Variants in CYP4Z1 observed in about 807,000 individuals in gnomAD.
CYP4Z1 encodes the protein cytochrome P450 family 4 subfamily Z member 1, also known as cytochrome P450 4Z1.
CYP4Z1 carries 41 observed loss-of-function variants against 54.2 expected under a neutral mutation model. That is an observed-to-expected ratio of 0.76 (90% CI 0.59 to 0.98). CYP4Z1 has a LOEUF of 0.98. CYP4Z1 is among the 50% of genes least tolerant of loss of function. CYP4Z1 has a pLI of 0.00. For synonymous variants in CYP4Z1, 163 were observed against 206.2 expected (o/e 0.79, Z 1.79); for missense variants, 513 against 599.0 (o/e 0.86, Z 1.50).
At chr1:47,083,831 C>T (rs921959504) in intron 4 of CYP4Z1, among the ~76,000 whole-genome samples, 19 of 152,212 alleles carry the variant, frequency 1.2e-4, no homozygotes, top group African/African-American at 4.6e-4. Flanking sequence ...GACACCACCC[C>T]CATTATCACC....
At position 47,118,159 on chromosome 1, in the gene CYP4Z1, C is replaced by A; in HGVS notation, c.*225C>A. On this transcript the variant is annotated 3_prime_UTR_variant, in exon 12 of 12. Coordinates refer to ENST00000334194, the MANE Select transcript of CYP4Z1 (RefSeq NM_178134.3). ...AAAAAACTCAAGCTGACTTCCACTG[C>A]GAAGGGAAATTATTGGTTTGTGTAA... is the stretch of plus-strand genomic sequence containing the variant. 1 of 427,236 alleles carries A rather than the reference C, an allele frequency of 2.3e-6. No individual in the cohort carries two copies. Among genetic ancestry groups the A allele is most frequent in the Non-Finnish European group, 4.1e-6 (1 of 243,246 alleles). 26.5% of individuals were successfully genotyped at this position (427,236 alleles called of 1,614,324 possible).
At chr1:47,112,467 T>C (rs1272235203) in intron 9 of CYP4Z1, among the ~76,000 whole-genome samples, 1 of 151,968 alleles carries the variant, frequency 6.6e-6, no homozygotes, top group Admixed American at 6.6e-5. Flanking sequence ...GTCCAGAGCA[T>C]AGAAAAATAA....
Position 47,116,663 on chromosome 1 carries a change from T to C in CYP4Z1, c.1280T>C (p.Leu427Ser). 6.2e-7 allele frequency: 1 copy of C among 1,601,432 alleles called. No homozygotes were observed. The highest frequency in any genetic ancestry group is 8.6e-7 in the Non-Finnish European group (1 of 1,169,018). The change falls in exon 11 of 12, where the codon TTG (leucine) becomes TCG (serine). Residue 427 changes from leucine (L) to serine (S), a missense_variant. Transcript: ENST00000334194. Reference protein sequence around the residue: ...FWEDPQVFNPLRFSRENSEKI... With the variant: ...FWEDPQVFNPSRFSRENSEKI... Reference sequence around the variant, plus strand: ...CTCTCATTACAGGTCTTTAACCCCTTGAGATTCTCCAGGGAAAATTCTGAA... The same window carrying C: ...CTCTCATTACAGGTCTTTAACCCCTCGAGATTCTCCAGGGAAAATTCTGAA...
chr1:47,100,077 T>C (rs1029971385), intron 8 of CYP4Z1, among the ~76,000 whole-genome samples: 24 of 152,160 alleles, frequency 1.6e-4, no homozygotes, highest in Non-Finnish European at 1.5e-4. Flanking sequence ...CTTGCAACTT[T>C]AAATACTAGA....
rs568325668 is a variant in CYP4Z1 at position 47,099,191 on chromosome 1, G to T, written c.974G>T (p.Trp325Leu). The T allele has an allele frequency of 1.2e-6, 2 of 1,613,946 alleles. No individual in the cohort carries two copies. The highest frequency in any genetic ancestry group is 4.5e-5 in the East Asian group (2 of 44,838). ...GACACCACATCCAGTGCTATCTCCTGGATCCTTTACTGCTTGGCAAAGTAC... is the reference window on the plus strand; with the variant it reads ...GACACCACATCCAGTGCTATCTCCTTGATCCTTTACTGCTTGGCAAAGTAC... ...GHDTTSSAIS[W>L]ILYCLAKYPE... is the part of the protein sequence containing the mutation. Residue 325 changes from tryptophan to leucine, a missense_variant, in exon 8 of 12, where the codon TGG becomes TTG. Coordinates refer to ENST00000334194, the MANE Select transcript of CYP4Z1 (RefSeq NM_178134.3).
intron 10 of CYP4Z1, 50 bp downstream of exon 10, chr1:47,115,643 G>T (rs1317834436): frequency 2.6e-6 from 4 of 1,527,736 alleles, no homozygotes; most frequent in Admixed American, 3.5e-5. Context: ...GCACCAAGAG[G>T]GAAGAGAAGC....
chr1:47,117,982 A>C lies in CYP4Z1; in HGVS notation c.*48A>C. 1.9e-6 allele frequency: 3 copies of C among 1,566,504 alleles called. No homozygotes were observed. Among genetic ancestry groups the C allele is most frequent in the Non-Finnish European group, 2.6e-6 (3 of 1,144,112 alleles). ...ATTAATGAGACAATTTTCCTACCAA[A>C]GGAAGAACAAAAGGATAAATATAAT... On this transcript the variant is annotated 3_prime_UTR_variant, in exon 12 of 12. Transcript: ENST00000334194.
chr1:47,058,804 A>G, the CYP4Z1 span, among the ~76,000 whole-genome samples: 52 of 152,060 alleles, frequency 3.4e-4, no homozygotes, highest in Admixed American at 2.9e-3. Context: ...TTCTATAGTA[A>G]TAGACTAGCA....
intron 2 of CYP4Z1, 135 bp downstream of exon 2, chr1:47,068,898 T>C: frequency 4.2e-6 from 5 of 1,180,330 alleles, no homozygotes; most frequent in Non-Finnish European, 5.9e-6. Context: ...GAAGATTCCA[T>C]GTCCTCCTCA....
chr1:47,084,250 T>C (rs1348852907), intron 4 of CYP4Z1, among the ~76,000 whole-genome samples: 2 of 152,104 alleles, frequency 1.3e-5, no homozygotes, highest in African/African-American at 4.8e-5. Flanking sequence ...GATCTTTTCC[T>C]AGAATCAAAA....
chr1:47,084,517 T>C, intron 4 of CYP4Z1, 103 bp from the exon 5 acceptor site: 1 of 1,526,618 alleles, frequency 6.6e-7, no homozygotes, highest in Non-Finnish European at 8.8e-7. Flanking sequence ...TTTTGTACGC[T>C]TTATATTTTC....
chr1:47,073,658 TA>T (rs1644497937), intron 2 of CYP4Z1, among the ~76,000 whole-genome samples: 1 of 152,266 alleles, frequency 6.6e-6, no homozygotes, highest in Non-Finnish European at 1.5e-5. Context: ...AATTTTATTT[TA>T]ATTTGCATTT....
intron 6 of CYP4Z1, among the ~76,000 whole-genome samples, chr1:47,092,306 G>C (rs1644644418): frequency 6.6e-6 from 1 of 151,958 alleles, no homozygotes; most frequent in South Asian, 2.1e-4. Flanking sequence ...TCTTCTTTTG[G>C]GCCTCCCCCT....
At chr1:47,105,343 G>A (rs1644749215) in intron 8 of CYP4Z1, among the ~76,000 whole-genome samples, 2 of 152,122 alleles carry the variant, frequency 1.3e-5, no homozygotes, top group South Asian at 4.1e-4. Context: ...AGGACTCAGG[G>A]GTTTGTGGGA....
chr1:47,091,957 C>T (rs1289520148), intron 6 of CYP4Z1, among the ~76,000 whole-genome samples: 1 of 151,586 alleles, frequency 6.6e-6, no homozygotes, highest in African/African-American at 2.4e-5. Context: ...AGGAGGTCCG[C>T]TTTCCTTCCT....
chr1:47,058,717 C>T, the CYP4Z1 span, among the ~76,000 whole-genome samples: 4 of 152,080 alleles, frequency 2.6e-5, no homozygotes, highest in Non-Finnish European at 4.4e-5. Context: ...TTTTGCCCTG[C>T]ACCAGAACCA....
chr1:47,112,774 G>T (rs1644802824), intron 9 of CYP4Z1, among the ~76,000 whole-genome samples: 1 of 152,028 alleles, frequency 6.6e-6, no homozygotes. Context: ...TCATGGCCAA[G>T]TAAGTAGGTC....
chr1:47,094,434 C>A, intron 6 of CYP4Z1, 132 bp from the exon 7 acceptor site: 1 of 605,068 alleles, frequency 1.7e-6, no homozygotes, highest in African/African-American at 1.9e-5. Context: ...CTGTCCCTTA[C>A]CAACTCAGGA....
At chr1:47,109,511 A>G (rs917412680) in intron 9 of CYP4Z1, among the ~76,000 whole-genome samples, 2 of 152,236 alleles carry the variant, frequency 1.3e-5, no homozygotes, top group Non-Finnish European at 2.9e-5. Context: ...TTAACTTTTA[A>G]TTTAGAGCCT....
Sources: gnomAD v4.1 joint callset for allele counts (sites outside exome capture counted in the v4.1 genomes callset) on GRCh38, gnomAD v4.1.1 for gene constraint, MANE v1.5 for transcripts, NCBI Gene and HGNC (gene_info 2026-07-23, HGNC 2026-07-21) for gene names.